Variants in BACH2 observed in about 807,000 individuals in gnomAD.
The protein encoded by BACH2 is transcription regulator protein BACH2.
BACH2 carries 5 observed loss-of-function variants against 61.8 expected under a neutral mutation model. The ratio of observed to expected loss-of-function variants is 0.08; its 90% CI spans 0.04 to 0.17. BACH2 has a LOEUF of 0.17. Among genes scored for constraint, BACH2 ranks in the 10% least tolerant of loss-of-function variants. The probability of loss-of-function intolerance (pLI) is 1.00; values close to 1 mark genes in which losing one functional copy is unlikely to be tolerated. For missense variants in BACH2, 824 were observed against 1,091.1 expected (o/e 0.76, Z 3.45); for synonymous variants, 446 against 440.1 (o/e 1.01, Z -0.17).
chr6:90,031,644 C>T (rs901353207), intron 5 of BACH2, among the ~76,000 whole-genome samples: 10 of 152,134 alleles, frequency 6.6e-5, no homozygotes, highest in African/African-American at 2.2e-4. Context: ...ATCCAACATA[C>T]AAGGGATGTG....
intron 1 of BACH2, among the ~76,000 whole-genome samples, chr6:90,273,265 A>G (rs1378754402): frequency 6.6e-6 from 1 of 152,092 alleles, no homozygotes; most frequent in East Asian, 1.9e-4. Flanking sequence ...GGCTAAGGCA[A>G]AAGGATCACT....
chr6:90,065,247 C>T (rs1780891214), intron 5 of BACH2, among the ~76,000 whole-genome samples: 1 of 147,888 alleles, frequency 6.8e-6, no homozygotes, highest in East Asian at 2.0e-4. Context: ...GTCCTGCTGC[C>T]ACCCCACCCC....
At chr6:90,260,669 T>C (rs1337578593) in intron 2 of BACH2, among the ~76,000 whole-genome samples, 1 of 152,232 alleles carries the variant, frequency 6.6e-6, no homozygotes, top group Non-Finnish European at 1.5e-5. Context: ...AGCATTACCT[T>C]AATAATATAC....
At chr6:90,018,565 T>C (rs557206183) in intron 5 of BACH2, among the ~76,000 whole-genome samples, 95 of 152,338 alleles carry the variant, frequency 6.2e-4, no homozygotes, top group African/African-American at 2.2e-3. Context: ...TATTACTCCA[T>C]CTTGGCTGAA....
chr6:90,198,658 C>G (rs371775455), intron 4 of BACH2, among the ~76,000 whole-genome samples: 2 of 152,170 alleles, frequency 1.3e-5, no homozygotes, highest in Admixed American at 6.5e-5. Flanking sequence ...CCATATGACA[C>G]GGTAGTGGGT....
At chr6:90,049,753 C>G (rs528162378) in intron 5 of BACH2, among the ~76,000 whole-genome samples, 1 of 152,198 alleles carries the variant, frequency 6.6e-6, no homozygotes, top group Non-Finnish European at 1.5e-5. Context: ...AATCTCAACA[C>G]ATAACATTTT....
At chr6:90,169,953 C>T (rs1328514705) in intron 4 of BACH2, among the ~76,000 whole-genome samples, 1 of 152,138 alleles carries the variant, frequency 6.6e-6, no homozygotes, top group African/African-American at 2.4e-5. Context: ...CAGTTTCATG[C>T]TATTTTTAAA....
intron 4 of BACH2, among the ~76,000 whole-genome samples, chr6:90,158,383 T>A (rs946816400): frequency 3.3e-5 from 5 of 152,184 alleles, no homozygotes; most frequent in Non-Finnish European, 7.3e-5. Context: ...AAATGCATAC[T>A]TCTAGCCATT....
At position 90,098,413 on chromosome 6, in the gene BACH2, A is replaced by G. The variant is rs544494202; in HGVS notation, c.-161-9304T>C. Among the ~76,000 whole-genome samples, 5 of 152,244 alleles carry G rather than the reference A, an allele frequency of 3.3e-5. No homozygotes were observed. The South Asian group carries it at 1.0e-3, about 32-fold the overall frequency. On this transcript the variant is annotated intron_variant, in intron 4 of 8. Transcript: ENST00000257749. ...AGCACTGCAGGCTGTGAGATCATTC[A>G]CTAAGAATTCATTTTTATTCCAAAA...
At chr6:90,200,911 A>G (rs1281904900) in intron 4 of BACH2, among the ~76,000 whole-genome samples, 1 of 152,222 alleles carries the variant, frequency 6.6e-6, no homozygotes, top group Non-Finnish European at 1.5e-5. Flanking sequence ...CAAGCAAAAT[A>G]AAGATAATGC....
rs530852248 is a variant in BACH2 at position 90,251,156 on chromosome 6, CT to C, written c.-275+1356del. 8.1e-3 allele frequency among the ~76,000 whole-genome samples: 1,205 copies of C among 148,982 alleles called. 11 individuals are homozygous for C. The highest frequency in any genetic ancestry group is 0.024 in the African/African-American group (980 of 40,644). Reference sequence around the variant, plus strand: ...ATATAGTACAAGGAATAATAATCAACTTTTTTTTTTTAATCCTGATGATTTG... The same window carrying C: ...ATATAGTACAAGGAATAATAATCAACTTTTTTTTTTAATCCTGATGATTTG... On this transcript the variant is annotated intron_variant, in intron 3 of 8. Transcript: ENST00000257749.
intron 2 of BACH2, among the ~76,000 whole-genome samples, chr6:90,262,251 G>A (rs1771183795): frequency 6.6e-6 from 1 of 152,158 alleles, no homozygotes; most frequent in South Asian, 2.1e-4. Flanking sequence ...GGCCTTGTAT[G>A]GGCTCTTTGC....
At chr6:90,210,554 A>G (rs1769310860) in intron 3 of BACH2, among the ~76,000 whole-genome samples, 1 of 152,252 alleles carries the variant, frequency 6.6e-6, no homozygotes, top group Non-Finnish European at 1.5e-5. Context: ...AGCAAAATCT[A>G]CAGCTTAAAA....
chr6:90,197,214 A>G (rs2127846562), intron 4 of BACH2, among the ~76,000 whole-genome samples: 1 of 152,368 alleles, frequency 6.6e-6, no homozygotes, highest in East Asian at 1.9e-4. Flanking sequence ...GCTATACGTT[A>G]TAAGGCCTCT....
At chr6:90,223,963 C>T (rs2127857320) in intron 3 of BACH2, among the ~76,000 whole-genome samples, 1 of 152,282 alleles carries the variant, frequency 6.6e-6, no homozygotes, top group Middle Eastern at 3.4e-3. Flanking sequence ...CTATCTGAAA[C>T]TGAGAAACGA....
chr6:90,095,907 G>C (rs1782364657), intron 4 of BACH2, among the ~76,000 whole-genome samples: 1 of 152,166 alleles, frequency 6.6e-6, no homozygotes, highest in Non-Finnish European at 1.5e-5. Context: ...CTGACTCAGA[G>C]AGGCAACGTG....
chr6:90,157,417 A>AT (rs930542768), intron 4 of BACH2, among the ~76,000 whole-genome samples: 9 of 152,196 alleles, frequency 5.9e-5, no homozygotes, highest in Non-Finnish European at 1.2e-4. Context: ...GCATCAGATT[A>AT]TTTTCAGAAG....
chr6:89,953,448 T>A (rs867769473), intron 6 of BACH2, among the ~76,000 whole-genome samples: 1 of 152,208 alleles, frequency 6.6e-6, no homozygotes, highest in Non-Finnish European at 1.5e-5. Context: ...TTCTGTCAGA[T>A]GATGAGTCCA....
chr6:90,173,195 C>CA (rs1382632060), intron 4 of BACH2, among the ~76,000 whole-genome samples: 5 of 150,940 alleles, frequency 3.3e-5, no homozygotes, highest in African/African-American at 1.2e-4. Flanking sequence ...GGACAAATAG[C>CA]AAAAAATAAT....
Sources: allele counts gnomAD v4.1 joint callset (sites outside exome capture counted in the v4.1 genomes callset), GRCh38; gene constraint gnomAD v4.1.1; transcripts MANE v1.5; gene names NCBI Gene and HGNC (gene_info 2026-07-23, HGNC 2026-07-21).